The following FRMD5 variants were observed in gnomAD, a reference collection of about 807,000 sequenced individuals.
FRMD5 encodes the protein FERM domain containing 5.
Under a neutral mutation model 69.0 loss-of-function variants are expected in FRMD5, and 20 were observed. The observed-to-expected ratio is 0.29, with a 90% CI of 0.20 to 0.42. The LOEUF (loss-of-function observed/expected upper bound fraction) is 0.42. Among genes scored for constraint, FRMD5 ranks in the 10% least tolerant of loss-of-function variants. The probability of loss-of-function intolerance (pLI) is 1.00; values close to 1 mark genes in which losing one functional copy is unlikely to be tolerated. For missense variants in FRMD5, 595 were observed against 708.6 expected (o/e 0.84, Z 1.82); for synonymous variants, 271 against 260.1 (o/e 1.04, Z -0.40).
intron 1 of FRMD5, among the ~76,000 whole-genome samples, chr15:44,004,332 T>A (rs1003149733): frequency 6.6e-6 from 1 of 152,242 alleles, no homozygotes; most frequent in Non-Finnish European, 1.5e-5. Context: ...TGCTTCACTT[T>A]ATTGTGACTC....
intron 1 of FRMD5, among the ~76,000 whole-genome samples, chr15:44,130,166 G>T (rs919044134): frequency 6.6e-6 from 1 of 152,172 alleles, no homozygotes; most frequent in African/African-American, 2.4e-5. Context: ...GCTTCAGCAG[G>T]TTGCTAACAC....
intron 1 of FRMD5, among the ~76,000 whole-genome samples, chr15:44,009,541 T>C (rs755422380): frequency 6.6e-5 from 10 of 152,100 alleles, no homozygotes; most frequent in Non-Finnish European, 1.3e-4. Context: ...TAGCTAGGCA[T>C]GGTGGCACAC....
intron 1 of FRMD5, among the ~76,000 whole-genome samples, chr15:44,005,451 A>G (rs532319066): frequency 6.8e-5 from 10 of 146,776 alleles, no homozygotes; most frequent in African/African-American, 2.5e-4. Context: ...AGCCTGGGCA[A>G]AAAGAGTGAA....
intron 1 of FRMD5, among the ~76,000 whole-genome samples, chr15:43,976,729 C>G (rs1365926568): frequency 1.3e-5 from 2 of 152,086 alleles, no homozygotes; most frequent in South Asian, 2.1e-4. Flanking sequence ...TGCAATGGTG[C>G]GATCTCGGCT....
chr15:43,989,886 C>A (rs1422676371), intron 1 of FRMD5: 1 of 1,095,180 alleles, frequency 9.1e-7, no homozygotes, highest in African/African-American at 1.6e-5. Context: ...TGGGGTGCTC[C>A]TTGGCAGCCA....
intron 1 of FRMD5, among the ~76,000 whole-genome samples, chr15:44,022,678 A>G (rs944494006): frequency 2.6e-5 from 4 of 151,954 alleles, no homozygotes; most frequent in Non-Finnish European, 5.9e-5. Flanking sequence ...GAGATTGCCA[A>G]AAATTTAACA....
chr15:44,187,841 T>A (rs2078127995), intron 1 of FRMD5, among the ~76,000 whole-genome samples: 1 of 152,156 alleles, frequency 6.6e-6, no homozygotes, highest in Non-Finnish European at 1.5e-5. Flanking sequence ...AGCACTGAGA[T>A]TATAGGCATA....
intron 1 of FRMD5, among the ~76,000 whole-genome samples, chr15:43,925,296 T>C (rs958902755): frequency 6.6e-6 from 1 of 152,222 alleles, no homozygotes; most frequent in Admixed American, 6.5e-5. Context: ...TGAGCCACCA[T>C]GCCCAGCCCT....
chr15:43,916,323 T>A (rs1441107475), intron 4 of FRMD5, among the ~76,000 whole-genome samples: 2 of 152,170 alleles, frequency 1.3e-5, no homozygotes, highest in South Asian at 4.1e-4. Flanking sequence ...GTTTTAGGAT[T>A]CTAGCTGGTG....
intron 1 of FRMD5, among the ~76,000 whole-genome samples, chr15:44,144,061 C>T (rs979837151): frequency 6.6e-6 from 1 of 151,940 alleles, no homozygotes; most frequent in East Asian, 1.9e-4. Flanking sequence ...ACTATGAAGT[C>T]CCTGAGAACT....
chr15:44,021,299 T>C (rs1595633778), intron 1 of FRMD5, among the ~76,000 whole-genome samples: 2 of 152,074 alleles, frequency 1.3e-5, no homozygotes, highest in East Asian at 1.9e-4. Context: ...TATATGTAAG[T>C]TTTTAGTTCA....
intron 1 of FRMD5, among the ~76,000 whole-genome samples, chr15:44,147,317 T>C (rs1396174402): frequency 6.6e-6 from 1 of 152,150 alleles, no homozygotes; most frequent in African/African-American, 2.4e-5. Context: ...TGCAGTCTTA[T>C]TTCTGAGATC....
rs750626326 is a variant in FRMD5, at chr15:43,874,318, G to A, written c.1280C>T (p.Ala427Val). ...AVIADEAYSP[A>V]DSVLPTPVAE... ...CACAGGGGTGGGCAGCACGCTGTCT[G>A]CAGGGCTGTAGGCCTCGTCTGCAAT... is the stretch of plus-strand genomic sequence containing the variant. Residue 427 changes from alanine to valine, a missense_variant, in exon 14 of 14, where the codon GCA (alanine) becomes GTA (valine). Physicochemically the swap from Ala to Val is moderately conservative, Grantham distance 64. Coordinates refer to ENST00000417257, the MANE Select transcript of FRMD5 (RefSeq NM_032892.5). The A allele has an allele frequency of 3.1e-6, 5 of 1,614,240 alleles. No homozygotes were observed. The South Asian group carries it at 5.5e-5, about 18-fold the overall frequency.
At chr15:43,899,391 C>G (rs913239557) in intron 7 of FRMD5, among the ~76,000 whole-genome samples, 1 of 152,084 alleles carries the variant, frequency 6.6e-6, no homozygotes, top group Non-Finnish European at 1.5e-5. Context: ...CTGAGCACTC[C>G]CCCAAAAGAA....
intron 1 of FRMD5, among the ~76,000 whole-genome samples, chr15:44,182,079 C>T (rs774772514): frequency 2.7e-5 from 4 of 150,862 alleles, no homozygotes; most frequent in African/African-American, 9.8e-5. Context: ...GGTGCGATCT[C>T]GGCTCACTGC....
chr15:44,032,297 G>C (rs1891717571), intron 1 of FRMD5, among the ~76,000 whole-genome samples: 1 of 152,150 alleles, frequency 6.6e-6, no homozygotes, highest in Non-Finnish European at 1.5e-5. Context: ...AACAAGCAAA[G>C]ATTTCATGAC....
chr15:43,873,243 A>G lies in FRMD5; in HGVS notation c.*642T>C. ...CCACTCTGCTCAGATTTGAAAAAAC[A>G]AAAGGAAAAGAAAATCCAACTCAGA... is the stretch of plus-strand genomic sequence containing the variant. On this transcript the variant is annotated 3_prime_UTR_variant, in exon 14 of 14. Coordinates refer to ENST00000417257, the MANE Select transcript of FRMD5 (RefSeq NM_032892.5). The G allele has an allele frequency of 6.5e-7, 1 of 1,548,994 alleles. No homozygotes were observed. The highest frequency in any genetic ancestry group is 2.4e-5 in the East Asian group (1 of 40,924).
chr15:43,989,745 G>A, intron 1 of FRMD5: 1 of 1,011,094 alleles, frequency 9.9e-7, no homozygotes, highest in Non-Finnish European at 1.6e-6. Flanking sequence ...TCAGTGGTAG[G>A]CCAGAGGTGT....
intron 4 of FRMD5, among the ~76,000 whole-genome samples, chr15:43,912,705 G>C (rs2089310440): frequency 6.6e-6 from 1 of 151,764 alleles, no homozygotes; most frequent in Non-Finnish European, 1.5e-5. Context: ...ATGTGTTGGG[G>C]GTGCTCCTGT....
Sources: allele counts gnomAD v4.1 joint callset (sites outside exome capture counted in the v4.1 genomes callset), GRCh38; gene constraint gnomAD v4.1.1; transcripts MANE v1.5; gene names NCBI Gene and HGNC (gene_info 2026-07-23, HGNC 2026-07-21).